Variants in COX4I1 observed in about 807,000 individuals in gnomAD.
The protein encoded by COX4I1 is cytochrome c oxidase subunit 4 isoform 1, mitochondrial.
In COX4I1, 18 loss-of-function variants were observed where a neutral mutation model predicts 21.7. The ratio of observed to expected loss-of-function variants is 0.83; its 90% CI spans 0.57 to 1.23. The LOEUF (loss-of-function observed/expected upper bound fraction) is 1.23. Ranked by LOEUF, COX4I1 falls within the 50% of genes most tolerant of loss-of-function variation. COX4I1 has a pLI of 0.00. For missense variants in COX4I1, 238 were observed against 220.7 expected (o/e 1.08, Z -0.50); for synonymous variants, 100 against 81.5 (o/e 1.23, Z -1.23).
chr16:85,800,371 T>C (rs943741715), intron 1 of COX4I1, among the ~76,000 whole-genome samples: 4 of 152,238 alleles, frequency 2.6e-5, no homozygotes, highest in African/African-American at 9.6e-5. Context: ...AGGGGGGGTC[T>C]CATAGGTTTT....
chr16:85,805,163 A>T, intron 3 of COX4I1, 59 bp downstream of exon 3: 1 of 1,533,096 alleles, frequency 6.5e-7, no homozygotes, highest in Non-Finnish European at 8.8e-7. Context: ...TGTGTGTGAC[A>T]GAGCCTCTGC....
chr16:85,806,095 A>G, intron 4 of COX4I1: 1 of 617,514 alleles, frequency 1.6e-6, no homozygotes, highest in Non-Finnish European at 2.8e-6. Context: ...TTGGGTGGTG[A>G]AATACCTTAA....
chr16:85,806,350 C>T (rs1216082657), intron 4 of COX4I1: 1 of 646,158 alleles, frequency 1.5e-6, no homozygotes, highest in Admixed American at 2.5e-5. Context: ...TTCTTTCTGT[C>T]CAGGCAGAAC....
At position 85,801,258 on chromosome 16, in the gene COX4I1, CTG is replaced by C. The variant is rs777065486; in HGVS notation, c.61_62del (p.Val21ThrfsTer4). Reference sequence around the variant, plus strand: ...GTTGGCAAGCGAGCAATTTCCACCTCTGTGTGTGTACGAGCTCATGGTAAGTG... The same window carrying C: ...GTTGGCAAGCGAGCAATTTCCACCTCTGTGTGTACGAGCTCATGGTAAGTG... On this transcript the variant is annotated frameshift_variant, in exon 2 of 5. Transcript: ENST00000253452. LOFTEE classifies it high-confidence loss of function. 6.2e-7 allele frequency: 1 copy of C among 1,610,936 alleles called. No homozygotes were observed. The highest frequency in any genetic ancestry group is 1.3e-5 in the African/African-American group (1 of 74,908).
At chr16:85,804,890 T>C in intron 2 of COX4I1, 47 bp from the exon 3 acceptor site, 2 of 1,553,600 alleles carry the variant, frequency 1.3e-6, no homozygotes, top group Non-Finnish European at 1.8e-6. Context: ...TTGGGGTGAC[T>C]CTCAACTTAC....
At chr16:85,801,926 T>TTAAGA (rs1905796304) in intron 2 of COX4I1, among the ~76,000 whole-genome samples, 1 of 151,834 alleles carries the variant, frequency 6.6e-6, no homozygotes, top group Non-Finnish European at 1.5e-5. Flanking sequence ...GAGGGACGGA[T>TTAAGA]GGGTGAAGAC....
chr16:85,800,839 G>A (rs1905671182), intron 1 of COX4I1, among the ~76,000 whole-genome samples: 1 of 152,166 alleles, frequency 6.6e-6, no homozygotes, highest in Non-Finnish European at 1.5e-5. Context: ...GGCCAGGCTG[G>A]TCTTGAACCC....
At chr16:85,801,390 T>C in intron 2 of COX4I1, 112 bp downstream of exon 2, 1 of 785,914 alleles carries the variant, frequency 1.3e-6, no homozygotes, top group Non-Finnish European at 2.1e-6. Flanking sequence ...CTCTTGAGGG[T>C]CTTTAGGGGA....
At chr16:85,803,972 G>T (rs567908829) in intron 2 of COX4I1, 31 of 152,340 alleles carry the variant, frequency 2.0e-4, no homozygotes, top group African/African-American at 7.5e-4. Context: ...TATGTTTATT[G>T]TTTGTTTTCC....
intron 3 of COX4I1, 160 bp from the exon 4 acceptor site, chr16:85,805,573 G>C: frequency 9.9e-7 from 1 of 1,011,410 alleles, no homozygotes; most frequent in Non-Finnish European, 1.5e-6. Flanking sequence ...GCACGTGTGT[G>C]CACGTACGTG....
chr16:85,806,217 A>G, intron 4 of COX4I1: 1 of 588,086 alleles, frequency 1.7e-6, no homozygotes, highest in Non-Finnish European at 3.0e-6. Context: ...TCATTCATTG[A>G]ATGACTGTCT....
chr16:85,801,048 G>A (rs1905700265), intron 1 of COX4I1, 157 bp from the exon 2 acceptor site: 1 of 569,630 alleles, frequency 1.8e-6, no homozygotes. Flanking sequence ...CCTCATCCTA[G>A]GTCATTTTGT....
Position 85,806,770 on chromosome 16 carries a change from G to A in COX4I1, c.406G>A (p.Glu136Lys), listed in dbSNP as rs1000212372. 2 of 1,614,088 alleles carry A rather than the reference G, an allele frequency of 1.2e-6. No individual in the cohort carries two copies. Among genetic ancestry groups the A allele is most frequent in the Non-Finnish European group, 1.7e-6 (2 of 1,180,052 alleles). ...CCCCCTCCCGCAAAGCTTTGACAAA[G>A]AGTGGGTGGCCAAGCAGACCAAGAG... ...YGPLPQSFDK[E>K]WVAKQTKRML... is the part of the protein sequence containing the mutation. The change falls in exon 5 of 5, where the codon GAG (glutamate) becomes AAG (lysine). Residue 136 changes from glutamate to lysine, a missense_variant. Physicochemically the swap from Glu to Lys is moderately conservative, Grantham distance 56 (BLOSUM62 1). Transcript: ENST00000253452.
At position 85,805,781 on chromosome 16, in the gene COX4I1, C is replaced by G. The variant is rs367714586; in HGVS notation, c.290C>G (p.Ser97Trp). Residue 97 changes from serine to tryptophan, a missense_variant, in exon 4 of 5, where the codon TCG (serine) becomes TGG (tryptophan). Physicochemically the swap from Ser to Trp is radical, Grantham distance 177. Transcript: ENST00000253452. ...KESFAEMNRG[S>W]NEWKTVVGGA... ...AGCTTTGCTGAGATGAACAGGGGCT[C>G]GAACGAGTGGAAGACGGTTGTGGGC... 6.2e-7 allele frequency: 1 copy of G among 1,614,214 alleles called. No homozygotes were observed. Among genetic ancestry groups the G allele is most frequent in the African/African-American group, 1.3e-5 (1 of 75,046 alleles).
At chr16:85,803,923 C>T (rs1905963954) in intron 2 of COX4I1, 1 of 152,250 alleles carries the variant, frequency 6.6e-6, no homozygotes, top group South Asian at 2.1e-4. Flanking sequence ...TACTCTTTCT[C>T]CAGAGTACTT....
At chr16:85,800,147 C>T (rs927575759) in intron 1 of COX4I1, among the ~76,000 whole-genome samples, 4 of 152,220 alleles carry the variant, frequency 2.6e-5, no homozygotes, top group African/African-American at 7.2e-5. Flanking sequence ...GGGCGGCGCT[C>T]GGCTTTCCAG....
intron 3 of COX4I1, chr16:85,805,364 A>G: frequency 1.9e-6 from 1 of 523,882 alleles, no homozygotes; most frequent in Middle Eastern, 5.0e-4. Context: ...CTGCTGGGTA[A>G]GACATAGTTA....
intron 3 of COX4I1, chr16:85,805,376 C>T (rs1906109676): frequency 1.9e-6 from 1 of 515,730 alleles, no homozygotes; most frequent in East Asian, 3.2e-5. Flanking sequence ...ACATAGTTAA[C>T]TGTAAATTAT....
In COX4I1 at chr16:85,800,692, C is replaced by T. The variant is rs149819018; in HGVS notation, c.-1-513C>T. On this transcript the variant is annotated intron_variant, in intron 1 of 4. Coordinates refer to ENST00000253452, the MANE Select transcript of COX4I1 (RefSeq NM_001861.6). ...AGGCTGGGGTGCAGTGGTGCGGTCT[C>T]GGCTCACTGCAGTCTCTACCTCCCG... Among the ~76,000 whole-genome samples, 831 of 152,204 alleles carry T rather than the reference C, an allele frequency of 5.5e-3. 13 individuals are homozygous for T. Among genetic ancestry groups the T allele is most frequent in the African/African-American group, 0.019 (788 of 41,514 alleles).
Sources: gnomAD v4.1 joint callset for allele counts (sites outside exome capture counted in the v4.1 genomes callset) on GRCh38, gnomAD v4.1.1 for gene constraint, MANE v1.5 for transcripts, NCBI Gene and HGNC (gene_info 2026-07-23, HGNC 2026-07-21) for gene names.